Variants in ANKRD36 observed in about 807,000 individuals in gnomAD.
ANKRD36 encodes the protein ankyrin repeat domain 36.
A neutral mutation model predicts 278.1 loss-of-function variants in ANKRD36; 179 were observed. That is an observed-to-expected ratio of 0.64 (90% CI 0.57 to 0.73). The LOEUF (loss-of-function observed/expected upper bound fraction) is 0.73, where lower values mean the gene tolerates loss of function less well. Among genes scored for constraint, ANKRD36 ranks in the 30% least tolerant of loss-of-function variants. The pLI is 0.00. For synonymous variants in ANKRD36, 320 were observed against 641.1 expected (o/e 0.50, Z 7.57); for missense variants, 1,159 against 1,956.7 (o/e 0.59, Z 7.69).
rs556642520 is a variant in ANKRD36, at chr2:97,200,951, GATGTAGCA to G, written c.2857+429_2857+436del. Among the ~76,000 whole-genome samples, 16 of 152,006 alleles carry G rather than the reference GATGTAGCA, an allele frequency of 1.1e-4. No individual in the cohort carries two copies. The South Asian group carries it at 3.3e-3, about 32-fold the overall frequency. On this transcript the variant is annotated intron_variant, in intron 46 of 75. Transcript: ENST00000420699. Reference sequence around the variant, plus strand: ...TAGAAGGAGAACTGAGAAGACCCCTGATGTAGCAATTATTTTCTGAATGAAGACGGATT... The same window carrying G: ...TAGAAGGAGAACTGAGAAGACCCCTGATTATTTTCTGAATGAAGACGGATT...
At chr2:97,260,347 G>GATTATATATAT (rs2076567676) in intron 75 of ANKRD36, among the ~76,000 whole-genome samples, 1 of 117,648 alleles carries the variant, frequency 8.5e-6, no homozygotes, top group Admixed American at 9.9e-5. Flanking sequence ...TATTTTAAAA[G>GATTATATATAT]ATATATATAT....
chr2:97,205,173 T>C (rs2062500794), intron 50 of ANKRD36, among the ~76,000 whole-genome samples: 1 of 151,714 alleles, frequency 6.6e-6, no homozygotes. Context: ...TTTCTGAATG[T>C]AAAACTTATT....
At chr2:97,121,666 G>C (rs182946472) in intron 3 of ANKRD36, among the ~76,000 whole-genome samples, 1 of 151,884 alleles carries the variant, frequency 6.6e-6, no homozygotes, top group Non-Finnish European at 1.5e-5. Context: ...ATAAATAAAA[G>C]ATGCAAATAA....
At chr2:97,171,391 G>A (rs1429567050) in intron 22 of ANKRD36, among the ~76,000 whole-genome samples, 1 of 147,708 alleles carries the variant, frequency 6.8e-6, no homozygotes, top group Non-Finnish European at 1.5e-5. Context: ...ATGAGTTCAT[G>A]TCCTTTGAAG....
intron 15 of ANKRD36, among the ~76,000 whole-genome samples, chr2:97,155,904 T>A (rs917025992): frequency 1.4e-5 from 2 of 146,614 alleles, no homozygotes; most frequent in African/African-American, 4.9e-5. Context: ...TTTTTTTTAA[T>A]GGACTGTTAC....
intron 26 of ANKRD36, 52 bp downstream of exon 26, chr2:97,181,845 C>T: frequency 3.4e-6 from 4 of 1,180,404 alleles, no homozygotes; most frequent in South Asian, 1.2e-5. Flanking sequence ...TAGAAAAGTA[C>T]TTCTCTTCCC....
chr2:97,124,146 A>C (rs542491427), intron 4 of ANKRD36, among the ~76,000 whole-genome samples: 91 of 151,810 alleles, frequency 6.0e-4, no homozygotes, highest in African/African-American at 2.1e-3. Flanking sequence ...GGAAGAAATG[A>C]ATAATTTTTC....
intron 12 of ANKRD36, among the ~76,000 whole-genome samples, chr2:97,151,285 C>T (rs551408657): frequency 6.4e-4 from 98 of 151,944 alleles, no homozygotes; most frequent in Middle Eastern, 3.4e-3. Flanking sequence ...GGCCTTCATT[C>T]GTGAATCATT....
intron 22 of ANKRD36, among the ~76,000 whole-genome samples, chr2:97,170,736 A>C (rs927586743): frequency 6.6e-6 from 1 of 151,884 alleles, no homozygotes; most frequent in African/African-American, 2.4e-5. Flanking sequence ...TCTGCACAGC[A>C]AAAGAAACTA....
At chr2:97,184,263 T>C (rs941602761) in intron 28 of ANKRD36, among the ~76,000 whole-genome samples, 58 of 151,864 alleles carry the variant, frequency 3.8e-4, no homozygotes, top group African/African-American at 1.2e-3. Flanking sequence ...CGATGACTAC[T>C]GGAATCAGGA....
intron 6 of ANKRD36, among the ~76,000 whole-genome samples, chr2:97,129,688 A>G (rs985753918): frequency 6.6e-6 from 1 of 152,056 alleles, no homozygotes; most frequent in African/African-American, 2.4e-5. Flanking sequence ...CTTTCTACAT[A>G]TGGCTAGCCA....
At chr2:97,168,405 A>G (rs2051377593) in intron 22 of ANKRD36, among the ~76,000 whole-genome samples, 1 of 152,282 alleles carries the variant, frequency 6.6e-6, no homozygotes, top group Non-Finnish European at 1.5e-5. Context: ...AGTCTTTGAT[A>G]CTACTACAAT....
intron 6 of ANKRD36, among the ~76,000 whole-genome samples, chr2:97,130,666 T>C (rs1171449259): frequency 1.3e-5 from 2 of 151,736 alleles, no homozygotes; most frequent in Admixed American, 1.3e-4. Flanking sequence ...TGGAGAAAAA[T>C]ATAAGGTGAT....
chr2:97,220,691 T>C lies in ANKRD36; in HGVS notation c.3877+1445T>C, dbSNP rs186257204. On this transcript the variant is annotated intron_variant, in intron 66 of 75. Coordinates refer to ENST00000420699, the MANE Select transcript of ANKRD36 (RefSeq NM_001354587.1). Reference sequence around the variant, plus strand: ...TGTGAAAAGTGCTGCAATAAACATGTCAGGACAGATTTCTCTTTTATAATA... The same window carrying C: ...TGTGAAAAGTGCTGCAATAAACATGCCAGGACAGATTTCTCTTTTATAATA... Among the ~76,000 whole-genome samples, 932 of 150,402 alleles carry C rather than the reference T, an allele frequency of 6.2e-3. 73 individuals are homozygous for C. In the East Asian group the frequency reaches 0.11, roughly 18 times the overall value.
At chr2:97,181,822 T>C (rs1477307792) in intron 26 of ANKRD36, 29 bp downstream of exon 26, 3 of 1,588,756 alleles carry the variant, frequency 1.9e-6, no homozygotes, top group Middle Eastern at 1.8e-4. Context: ...TTTAATGTCA[T>C]GTTCAGTCAA....
chr2:97,140,282 C>T (rs912095477), intron 6 of ANKRD36, among the ~76,000 whole-genome samples: 9 of 151,534 alleles, frequency 5.9e-5, no homozygotes, highest in Non-Finnish European at 1.0e-4. Flanking sequence ...TGAGGAGAGG[C>T]AGTGTCATTG....
intron 66 of ANKRD36, among the ~76,000 whole-genome samples, chr2:97,222,310 G>C (rs113934577): frequency 2.8e-4 from 42 of 152,114 alleles, no homozygotes; most frequent in African/African-American, 1.0e-3. Flanking sequence ...TTCCAATTCT[G>C]TGAAGAGATT....
chr2:97,192,275 GGT>G (rs1339982681), intron 36 of ANKRD36, among the ~76,000 whole-genome samples: 2 of 151,632 alleles, frequency 1.3e-5, no homozygotes, highest in African/African-American at 4.8e-5. Context: ...ACACCACATG[GGT>G]GTGAGAGATA....
intron 40 of ANKRD36, among the ~76,000 whole-genome samples, chr2:97,196,039 T>C (rs1433154319): frequency 3.3e-5 from 5 of 151,972 alleles, no homozygotes; most frequent in African/African-American, 1.2e-4. Flanking sequence ...TATTATGTAC[T>C]AGGTATCAGC....
Sources: gnomAD v4.1 joint callset for allele counts (sites outside exome capture counted in the v4.1 genomes callset) on GRCh38, gnomAD v4.1.1 for gene constraint, MANE v1.5 for transcripts, NCBI Gene and HGNC (gene_info 2026-07-23, HGNC 2026-07-21) for gene names.